The following CERKL variants were observed in gnomAD, a reference collection of about 807,000 sequenced individuals.
CERKL encodes the protein ceramide kinase-like protein.
In CERKL, 61 loss-of-function variants were observed where a neutral mutation model predicts 63.4. The observed-to-expected ratio is 0.96, with a 90% confidence interval of 0.78 to 1.19. CERKL has a LOEUF of 1.19. Ranked by LOEUF, CERKL falls within the 50% of genes most tolerant of loss-of-function variation. The probability of loss-of-function intolerance (pLI) is 0.00; values close to 1 mark genes in which losing one functional copy is unlikely to be tolerated. For missense variants in CERKL, 675 were observed against 655.5 expected, an observed-to-expected ratio of 1.03 and a Z score of -0.33; for synonymous variants, 250 against 230.5, an observed-to-expected ratio of 1.08 and a Z score of -0.77.
At chr2:181,617,292 A>T (rs1314077805) in intron 1 of CERKL, 1 of 152,238 alleles carries the variant, frequency 6.6e-6, no homozygotes, top group African/African-American at 2.4e-5. Context: ...GGTTTGCTCC[A>T]GGAGAAACAC....
chr2:181,604,148 C>A (rs1685579318), intron 1 of CERKL, 69 bp from the exon 2 acceptor site: 14 of 1,300,192 alleles, frequency 1.1e-5, no homozygotes, highest in Non-Finnish European at 1.2e-5. Context: ...GACACTGGGG[C>A]TTACCAGAGG....
intron 2 of CERKL, among the ~76,000 whole-genome samples, chr2:181,596,547 C>G (rs1395426914): frequency 1.3e-5 from 2 of 152,144 alleles, no homozygotes; most frequent in Non-Finnish European, 2.9e-5. Context: ...TTCCAAGCAT[C>G]CCATAAACCA....
intron 1 of CERKL, among the ~76,000 whole-genome samples, chr2:181,654,747 T>C (rs1251635940): frequency 6.6e-6 from 1 of 152,210 alleles, no homozygotes; most frequent in Non-Finnish European, 1.5e-5. Flanking sequence ...TATCATCTCT[T>C]AATATCTCCT....
rs370892605 is a variant in CERKL, at chr2:181,632,120, T to C, written c.238+24649A>G. Among the ~76,000 whole-genome samples, 13 of 152,356 alleles carry C rather than the reference T, an allele frequency of 8.5e-5. No homozygotes were observed. The East Asian group carries it at 2.1e-3, about 25-fold the overall frequency. On this transcript the variant is annotated intron_variant, in intron 1 of 12. Coordinates refer to ENST00000410087, the MANE Select transcript of CERKL (RefSeq NM_201548.5). ...TCACTAGTTTTTGTATCTTTGCCTT[T>C]GCCAAATCTAAAATTCTCAACCTTA...
intron 2 of CERKL, among the ~76,000 whole-genome samples, chr2:181,590,042 C>T (rs1164994028): frequency 6.6e-6 from 1 of 151,564 alleles, no homozygotes; most frequent in African/African-American, 2.4e-5. Context: ...CTGGTCTGTC[C>T]AGTTCCTGGG....
chr2:181,609,533 T>TGAAAAAAAAAA lies in CERKL; in HGVS notation c.239-5455_239-5454insTTTTTTTTTTC, dbSNP rs1267362169. 1.1e-4 allele frequency among the ~76,000 whole-genome samples: 8 copies of TGAAAAAAAAAA among 70,216 alleles called. 1 individual carries two copies. The highest frequency in any genetic ancestry group is 3.3e-4 in the African/African-American group (7 of 21,070). 46.1% of individuals were successfully genotyped at this position (70,216 alleles called of 152,430 possible). A position where few individuals can be genotyped will look rare whatever the true frequency, so the allele number is the denominator to read the frequency against. On this transcript the variant is annotated intron_variant, in intron 1 of 12. Coordinates refer to ENST00000410087, the MANE Select transcript of CERKL (RefSeq NM_201548.5). ...CACCATGGTGAAACCCTGTCTCTAC[T>TGAAAAAAAAAA]AAAAAAAAAAAAAAAAAAAAAAATT...
chr2:181,639,170 T>A (rs1687313893), intron 1 of CERKL, among the ~76,000 whole-genome samples: 1 of 152,184 alleles, frequency 6.6e-6, no homozygotes, highest in East Asian at 1.9e-4. Context: ...GTAATATGAT[T>A]TTTTAGAAAA....
intron 2 of CERKL, among the ~76,000 whole-genome samples, chr2:181,576,008 T>G (rs368750989): frequency 3.3e-5 from 5 of 152,186 alleles, no homozygotes; most frequent in Non-Finnish European, 5.9e-5. Context: ...ATCTTTATAC[T>G]ATTTACATGA....
At chr2:181,622,336 C>G (rs1011010368) in intron 1 of CERKL, among the ~76,000 whole-genome samples, 1 of 152,162 alleles carries the variant, frequency 6.6e-6, no homozygotes, top group Non-Finnish European at 1.5e-5. Flanking sequence ...ACCTGTGCCT[C>G]TGTGGCAGAA....
At chr2:181,543,631 A>T (rs1287503499) in intron 11 of CERKL, among the ~76,000 whole-genome samples, 1 of 151,760 alleles carries the variant, frequency 6.6e-6, no homozygotes, top group African/African-American at 2.4e-5. Context: ...GGCTGGGTTT[A>T]CTCTCCTCCT....
intron 1 of CERKL, among the ~76,000 whole-genome samples, chr2:181,641,329 A>T (rs201638735): frequency 1.5e-3 from 9 of 5,968 alleles, no homozygotes; most frequent in East Asian, 0.031. Context: ...ATATATATAT[A>T]TATATATATA....
At chr2:181,622,877 G>T (rs1480074108) in intron 1 of CERKL, among the ~76,000 whole-genome samples, 1 of 152,148 alleles carries the variant, frequency 6.6e-6, no homozygotes, top group Non-Finnish European at 1.5e-5. Flanking sequence ...ATGATTTCTG[G>T]AAACACATAA....
intron 1 of CERKL, among the ~76,000 whole-genome samples, chr2:181,604,850 C>G (rs1685611770): frequency 6.9e-6 from 1 of 144,188 alleles, no homozygotes; most frequent in East Asian, 1.9e-4. Flanking sequence ...TGAATTTAAC[C>G]ATAATCAGAC....
chr2:181,580,302 C>T lies in CERKL; in HGVS notation c.482-6418G>A, dbSNP rs140516288. Among the ~76,000 whole-genome samples, 71 of 151,168 alleles carry T rather than the reference C, an allele frequency of 4.7e-4. 1 individual carries two copies. The highest frequency in any genetic ancestry group is 7.7e-4 in the East Asian group (4 of 5,182). The stretch of plus-strand genomic sequence containing the variant: ...ATCAGCTTTTCGTTGCTGCTGTCAA[C>T]GTGTTTTTCCCCTAACTGATCTCCT... On this transcript the variant is annotated intron_variant, in intron 2 of 12. Transcript: ENST00000410087.
chr2:181,577,661 C>G (rs1684309477), intron 2 of CERKL, among the ~76,000 whole-genome samples: 1 of 151,946 alleles, frequency 6.6e-6, no homozygotes, highest in South Asian at 2.1e-4. Flanking sequence ...GGGTTGGGGA[C>G]AGTATCAGGC....
At chr2:181,655,324 C>T (rs933306179) in intron 1 of CERKL, among the ~76,000 whole-genome samples, 4 of 152,210 alleles carry the variant, frequency 2.6e-5, no homozygotes, top group African/African-American at 9.6e-5. Flanking sequence ...TGTATGACCT[C>T]TCATTGCACA....
At chr2:181,541,439 A>C (rs767853344) in intron 11 of CERKL, among the ~76,000 whole-genome samples, 1 of 152,202 alleles carries the variant, frequency 6.6e-6, no homozygotes, top group Non-Finnish European at 1.5e-5. Flanking sequence ...TAAAATGCCA[A>C]AACACTGGGA....
chr2:181,634,430 A>G (rs1687090021), intron 1 of CERKL, among the ~76,000 whole-genome samples: 1 of 152,294 alleles, frequency 6.6e-6, no homozygotes, highest in Middle Eastern at 3.4e-3. Context: ...ATGTTGCAAC[A>G]GTATGTGCAG....
In CERKL at chr2:181,550,282, T is replaced by C. The variant is rs1183891408; in HGVS notation, c.821-574A>G. ...ACATTGAAGAAAATGTTTAATTCAA[T>C]TGTATTTCCCATGTATGAAGATTTG... is the stretch of plus-strand genomic sequence containing the variant. On this transcript the variant is annotated intron_variant, in intron 5 of 12. Transcript: ENST00000410087. This position sits in a 1 kb window ranked among gnomAD's most constrained non-coding sequence, Gnocchi z 4.5. Among the ~76,000 whole-genome samples, 2 of 152,204 alleles carry C rather than the reference T, an allele frequency of 1.3e-5. No homozygotes were observed. The highest frequency in any genetic ancestry group is 1.3e-4 in the Admixed American group (2 of 15,260).
Sources: gnomAD v4.1 joint callset for allele counts (sites outside exome capture counted in the v4.1 genomes callset) on GRCh38, gnomAD v4.1.1 for gene constraint, Gnocchi (gnomAD v3.1) non-coding constraint, MANE v1.5 for transcripts, NCBI Gene and HGNC (gene_info 2026-07-23, HGNC 2026-07-21) for gene names.